Variants in MAP3K5 observed in about 807,000 individuals in gnomAD.
MAP3K5 encodes mitogen-activated protein kinase kinase kinase 5.
Under a neutral mutation model 158.7 loss-of-function variants are expected in MAP3K5, and 56 were observed. The ratio of observed to expected loss-of-function variants is 0.35; its 90% CI spans 0.28 to 0.44. The LOEUF (loss-of-function observed/expected upper bound fraction) is 0.44. Ranked by LOEUF, MAP3K5 falls within the 20% of genes least tolerant of loss-of-function variation. The probability of loss-of-function intolerance (pLI) is 1.00; values close to 1 mark genes in which losing one functional copy is unlikely to be tolerated. For missense variants in MAP3K5, 1,294 were observed against 1,674.8 expected (o/e 0.77, Z 3.97); for synonymous variants, 579 against 601.7 (o/e 0.96, Z 0.55).
intron 1 of MAP3K5, among the ~76,000 whole-genome samples, chr6:136,776,462 C>G (rs1433207628): frequency 6.6e-6 from 1 of 152,224 alleles, no homozygotes; most frequent in South Asian, 2.1e-4. Flanking sequence ...CCATTCTAGT[C>G]TTGAACTCTT....
intron 15 of MAP3K5, 61 bp downstream of exon 15, chr6:136,622,787 A>G: frequency 6.4e-7 from 1 of 1,550,686 alleles, no homozygotes; most frequent in Non-Finnish European, 8.8e-7. Flanking sequence ...AGTATTTTCT[A>G]AAATACTGTC....
chr6:136,664,427 T>A (rs1401297915), intron 8 of MAP3K5, among the ~76,000 whole-genome samples: 1 of 152,138 alleles, frequency 6.6e-6, no homozygotes, highest in Non-Finnish European at 1.5e-5. Flanking sequence ...TGTGCCTGAA[T>A]CATCCCTGAA....
intron 1 of MAP3K5, among the ~76,000 whole-genome samples, chr6:136,779,051 G>C (rs1467943278): frequency 6.6e-6 from 1 of 152,102 alleles, no homozygotes; most frequent in Non-Finnish European, 1.5e-5. Context: ...TGTAATCCCA[G>C]CACTTTGAGA....
chr6:136,623,690 C>T (rs768843985), intron 14 of MAP3K5, among the ~76,000 whole-genome samples: 2 of 152,178 alleles, frequency 1.3e-5, no homozygotes, highest in Non-Finnish European at 2.9e-5. Context: ...CACCCCAAAG[C>T]CACATCCTTT....
Position 136,792,081 on chromosome 6 carries a change from T to A in MAP3K5, c.77A>T (p.Glu26Val). ...TCCTCCCCTCCTGCAGATGCCGCCC[T>A]CGGGGATGGTGCAGAAGCCCGAGGG... ...FAPSGFCTIPEGGICRRGGAA... is the reference protein window; with the variant it reads ...FAPSGFCTIPVGGICRRGGAA... The change falls in exon 1 of 30, where the codon GAG (glutamate) becomes GTG (valine). Residue 26 changes from glutamate to valine, a missense_variant. Physicochemically the swap from Glu to Val is moderately radical, Grantham distance 121. Transcript: ENST00000359015. This position sits in a 1 kb window ranked among gnomAD's most constrained non-coding sequence, Gnocchi z 5.7. The A allele has an allele frequency of 1.3e-6, 2 of 1,575,420 alleles. No homozygotes were observed. Among genetic ancestry groups the A allele is most frequent in the Non-Finnish European group, 1.7e-6 (2 of 1,165,526 alleles).
chr6:136,684,986 T>C (rs1780086116), intron 7 of MAP3K5, among the ~76,000 whole-genome samples: 2 of 152,268 alleles, frequency 1.3e-5, no homozygotes, highest in South Asian at 4.1e-4. Flanking sequence ...AATCACAGTT[T>C]GTTGCAACAA....
intron 11 of MAP3K5, among the ~76,000 whole-genome samples, chr6:136,643,583 C>T (rs1240860184): frequency 6.6e-6 from 1 of 152,126 alleles, no homozygotes; most frequent in Non-Finnish European, 1.5e-5. Flanking sequence ...AACTCAAAAG[C>T]GACAATTTAT....
intron 2 of MAP3K5, among the ~76,000 whole-genome samples, chr6:136,705,490 G>A (rs1781033545): frequency 6.6e-6 from 1 of 152,042 alleles, no homozygotes; most frequent in African/African-American, 2.4e-5. Context: ...TGTTTTTGTA[G>A]AGACAAGATC....
In MAP3K5 at chr6:136,792,471, T is replaced by C; in HGVS notation, c.-314A>G. ...TTCCTTTTCTTGGCCGGCTGACAAG[T>C]CGGCTCGCAAACCTGCGCCGCGGTG... On this transcript the variant is annotated 5_prime_UTR_variant, in exon 1 of 30. Coordinates refer to ENST00000359015, the MANE Select transcript of MAP3K5 (RefSeq NM_005923.4). The surrounding 1 kb of genome is among the most constrained non-coding windows in gnomAD (Gnocchi z 5.7). 2.5e-6 allele frequency: 2 copies of C among 807,582 alleles called. No individual in the cohort carries two copies. Among genetic ancestry groups the C allele is most frequent in the Non-Finnish European group, 3.0e-6 (2 of 669,210 alleles). 50.0% of individuals were successfully genotyped at this position (807,582 alleles called of 1,614,324 possible). A position where few individuals can be genotyped will look rare whatever the true frequency, so the allele number is the denominator to read the frequency against.
chr6:136,684,844 A>G (rs1322420866), intron 7 of MAP3K5, among the ~76,000 whole-genome samples: 1 of 152,196 alleles, frequency 6.6e-6, no homozygotes, highest in East Asian at 1.9e-4. Context: ...CATTCTCAAG[A>G]GCTGGGATGA....
chr6:136,682,824 A>G (rs1779990807), intron 7 of MAP3K5, among the ~76,000 whole-genome samples: 1 of 152,184 alleles, frequency 6.6e-6, no homozygotes, highest in African/African-American at 2.4e-5. Context: ...CCTATCCTAC[A>G]TGGTGCCACA....
At chr6:136,571,999 G>T (rs1468726937) in intron 25 of MAP3K5, among the ~76,000 whole-genome samples, 1 of 152,102 alleles carries the variant, frequency 6.6e-6, no homozygotes, top group Non-Finnish European at 1.5e-5. Flanking sequence ...TTGATAGTAC[G>T]GTAGGAGTAA....
intron 2 of MAP3K5, among the ~76,000 whole-genome samples, chr6:136,716,445 A>G (rs1424436730): frequency 2.0e-5 from 3 of 152,174 alleles, no homozygotes; most frequent in Non-Finnish European, 4.4e-5. Context: ...CCCAGAACAT[A>G]GAGGAGCTGA....
At position 136,665,393 on chromosome 6, in the gene MAP3K5, C is replaced by CTGGA. The variant is rs762273784; in HGVS notation, c.1366+3886_1366+3889dup. Among the ~76,000 whole-genome samples the CTGGA allele has an allele frequency of 5.3e-5, 8 of 149,554 alleles. No homozygotes were observed. The East Asian group carries it at 5.9e-4, about 11-fold the overall frequency. ...TGGAGTTTCGCTCTTGTCGCCCAGG[C>CTGGA]TGGAGTGCAGTGGCACAATCTTGGC... On this transcript the variant is annotated intron_variant, in intron 8 of 29. Coordinates refer to ENST00000359015, the MANE Select transcript of MAP3K5 (RefSeq NM_005923.4).
chr6:136,657,226 C>G (rs1023805151), intron 9 of MAP3K5, among the ~76,000 whole-genome samples: 18 of 152,078 alleles, frequency 1.2e-4, no homozygotes, highest in Admixed American at 9.2e-4. Context: ...CCTAATAAGA[C>G]AGATGGTGCC....
At chr6:136,631,014 G>A (rs978787272) in intron 14 of MAP3K5, among the ~76,000 whole-genome samples, 1 of 152,098 alleles carries the variant, frequency 6.6e-6, no homozygotes, top group Non-Finnish European at 1.5e-5. Context: ...TGGGAGGATC[G>A]CTTGAGCCCA....
intron 1 of MAP3K5, among the ~76,000 whole-genome samples, chr6:136,757,475 T>G (rs1352797436): frequency 1.3e-5 from 2 of 152,184 alleles, no homozygotes; most frequent in African/African-American, 4.8e-5. Context: ...ATAATGTTCA[T>G]AATAATTAGC....
At position 136,561,545 on chromosome 6, in the gene MAP3K5, G is replaced by A; in HGVS notation, c.3975C>T (p.Asp1325=). ...DWLRVNGADE[D]TISRFLAEDY... ...CAGTTTTCTTTACCCGGCTTATAGT[G>A]TCTTCATCAGCTCCATTCACTCTCA... Residue 1325 remains aspartate, a synonymous_variant, in exon 28 of 30, where the codon GAC becomes GAT. Coordinates refer to ENST00000359015, the MANE Select transcript of MAP3K5 (RefSeq NM_005923.4). 6.2e-7 allele frequency: 1 copy of A among 1,611,042 alleles called. No individual in the cohort carries two copies. Among genetic ancestry groups the A allele is most frequent in the Non-Finnish European group, 8.5e-7 (1 of 1,177,236 alleles).
At chr6:136,765,551 C>A (rs964995014) in intron 1 of MAP3K5, among the ~76,000 whole-genome samples, 2 of 151,676 alleles carry the variant, frequency 1.3e-5, no homozygotes, top group Middle Eastern at 3.2e-3. Context: ...CTCGCTCTGT[C>A]GCCCAGGCTG....
Sources: gnomAD v4.1 joint callset for allele counts (sites outside exome capture counted in the v4.1 genomes callset) on GRCh38, gnomAD v4.1.1 for gene constraint, Gnocchi (gnomAD v3.1) non-coding constraint, MANE v1.5 for transcripts, NCBI Gene and HGNC (gene_info 2026-07-23, HGNC 2026-07-21) for gene names.